The following ZNF385D variants were observed in gnomAD, a reference collection of about 807,000 sequenced individuals.
ZNF385D encodes zinc finger protein 659.
A neutral mutation model predicts 35.8 loss-of-function variants in ZNF385D; 15 were observed. The ratio of observed to expected loss-of-function variants is 0.42; its 90% CI spans 0.28 to 0.64. The LOEUF (loss-of-function observed/expected upper bound fraction) is 0.64, where lower values mean the gene tolerates loss of function less well. ZNF385D is among the 30% of genes least tolerant of loss of function. The pLI is 0.23. For missense variants in ZNF385D, 474 were observed against 494.6 expected (o/e 0.96, Z 0.39); for synonymous variants, 212 against 186.8 (o/e 1.13, Z -1.10).
intron 1 of ZNF385D, among the ~76,000 whole-genome samples, chr3:21,686,896 C>T (rs1023708718): frequency 7.9e-5 from 12 of 152,200 alleles, no homozygotes; most frequent in African/African-American, 2.9e-4. Context: ...AAGTTAAATA[C>T]AGCCACTAGT....
chr3:21,952,627 ATAAT>A (rs1280653507), intron 3 of ZNF385D, among the ~76,000 whole-genome samples: 1 of 151,996 alleles, frequency 6.6e-6, no homozygotes, highest in African/African-American at 2.4e-5. Flanking sequence ...AGTGGTTGTG[ATAAT>A]TAAATACTTC....
At chr3:21,757,783 T>C (rs2070413990) in intron 3 of ZNF385D, among the ~76,000 whole-genome samples, 1 of 152,206 alleles carries the variant, frequency 6.6e-6, no homozygotes, top group Non-Finnish European at 1.5e-5. Context: ...AACTCATTCA[T>C]TCACTGGTTA....
intron 3 of ZNF385D, among the ~76,000 whole-genome samples, chr3:21,518,450 T>G (rs1188388224): frequency 6.6e-6 from 1 of 152,188 alleles, no homozygotes; most frequent in Non-Finnish European, 1.5e-5. Flanking sequence ...TCATTACTTT[T>G]ATCTCTATAT....
chr3:21,557,150 C>G (rs960438618), intron 3 of ZNF385D, among the ~76,000 whole-genome samples: 23 of 152,082 alleles, frequency 1.5e-4, no homozygotes, highest in African/African-American at 4.6e-4. Context: ...AATTGAATAC[C>G]CTTTATTTCT....
chr3:22,366,311 G>A (rs1397910410), intron 2 of ZNF385D, among the ~76,000 whole-genome samples: 1 of 152,012 alleles, frequency 6.6e-6, no homozygotes, highest in Non-Finnish European at 1.5e-5. Flanking sequence ...TTATACACTG[G>A]TCTTTACACT....
chr3:21,584,404 A>G (rs1342623257), intron 2 of ZNF385D, among the ~76,000 whole-genome samples: 1 of 152,202 alleles, frequency 6.6e-6, no homozygotes, highest in African/African-American at 2.4e-5. Flanking sequence ...CAACAGTATC[A>G]GTTTTAATTT....
chr3:21,847,837 A>G lies in ZNF385D; in HGVS notation c.326-182809T>C, dbSNP rs556632528. ...ACTAATCTGTTTATTTTTTTGTGGT[A>G]GGAATATTTAACATGAGACCACACT... On this transcript the variant is annotated intron_variant, in intron 3 of 5. Transcript: ENST00000494108. Among the ~76,000 whole-genome samples, 76 of 152,150 alleles carry G rather than the reference A, an allele frequency of 5.0e-4. No homozygotes were observed. The South Asian group carries it at 7.5e-3, about 15-fold the overall frequency.
intron 3 of ZNF385D, among the ~76,000 whole-genome samples, chr3:22,033,088 T>G (rs150929857): frequency 0.016 from 2,397 of 152,200 alleles, 45 homozygotes; most frequent in Non-Finnish European, 0.021. Flanking sequence ...GATTCCATGC[T>G]GCGAGGTCAA....
intron 3 of ZNF385D, among the ~76,000 whole-genome samples, chr3:22,099,482 A>G (rs1016001288): frequency 1.3e-5 from 2 of 152,088 alleles, no homozygotes; most frequent in Admixed American, 6.6e-5. Flanking sequence ...AAGTCTTGCT[A>G]TAAAGACTGA....
At chr3:21,700,622 C>G (rs922987366) in intron 1 of ZNF385D, among the ~76,000 whole-genome samples, 3 of 152,220 alleles carry the variant, frequency 2.0e-5, no homozygotes, top group East Asian at 1.9e-4. Context: ...ACTCACTTGG[C>G]CTTTCTGATC....
chr3:21,469,851 T>C (rs1703771010), intron 4 of ZNF385D, among the ~76,000 whole-genome samples: 1 of 152,172 alleles, frequency 6.6e-6, no homozygotes. Context: ...AATAATTGTT[T>C]TGTGGTCTAG....
chr3:21,471,330 CA>C (rs1409619991), intron 4 of ZNF385D, among the ~76,000 whole-genome samples: 6 of 126,170 alleles, frequency 4.8e-5, no homozygotes, highest in Admixed American at 3.6e-4. Flanking sequence ...CACACACACA[CA>C]CACACCTTGG....
At chr3:22,006,200 T>C (rs1448586227) in intron 3 of ZNF385D, among the ~76,000 whole-genome samples, 2 of 152,134 alleles carry the variant, frequency 1.3e-5, no homozygotes, top group African/African-American at 4.8e-5. Flanking sequence ...TGCAGAGTTT[T>C]AATTTTTGAG....
intron 3 of ZNF385D, among the ~76,000 whole-genome samples, chr3:21,954,466 C>G (rs950766290): frequency 6.6e-6 from 1 of 151,998 alleles, no homozygotes; most frequent in African/African-American, 2.4e-5. Flanking sequence ...CTTAGAATAA[C>G]TCCTCAACCT....
intron 1 of ZNF385D, among the ~76,000 whole-genome samples, chr3:21,714,715 T>C (rs1417871670): frequency 6.6e-6 from 1 of 152,212 alleles, no homozygotes; most frequent in Non-Finnish European, 1.5e-5. Flanking sequence ...TATATCCATC[T>C]CCAGCTAACA....
chr3:21,582,966 C>T (rs1426832428), intron 2 of ZNF385D, among the ~76,000 whole-genome samples: 10 of 151,970 alleles, frequency 6.6e-5, no homozygotes, highest in African/African-American at 2.4e-4. Flanking sequence ...TTAGTAGAGA[C>T]CGTGTTGGTC....
chr3:22,025,742 G>A (rs1223499455), intron 3 of ZNF385D, among the ~76,000 whole-genome samples: 2 of 152,150 alleles, frequency 1.3e-5, no homozygotes, highest in Non-Finnish European at 2.9e-5. Context: ...TTGGGATGGT[G>A]GAGTGGGTTA....
At chr3:21,545,552 A>G (rs552756806) in intron 3 of ZNF385D, among the ~76,000 whole-genome samples, 1 of 152,312 alleles carries the variant, frequency 6.6e-6, no homozygotes, top group South Asian at 2.1e-4. Flanking sequence ...TGGCTCCTCT[A>G]GAATTTGGAA....
At chr3:21,587,946 AAGGT>A (rs2063859116) in intron 2 of ZNF385D, among the ~76,000 whole-genome samples, 1 of 152,164 alleles carries the variant, frequency 6.6e-6, no homozygotes, top group African/African-American at 2.4e-5. Context: ...GGTTTTTAAA[AAGGT>A]AGGTTCTATT....
Sources: allele counts gnomAD v4.1 joint callset (sites outside exome capture counted in the v4.1 genomes callset), GRCh38; gene constraint gnomAD v4.1.1; transcripts MANE v1.5; gene names NCBI Gene and HGNC (gene_info 2026-07-23, HGNC 2026-07-21).